EVI5L: variants seen among roughly 807,000 people sequenced by gnomAD.
The protein encoded by EVI5L is EVI5-like protein.
In EVI5L, 30 loss-of-function variants were observed where a neutral mutation model predicts 106.1. The observed-to-expected ratio is 0.28, with a 90% CI of 0.21 to 0.38. The LOEUF (loss-of-function observed/expected upper bound fraction) is 0.38, where lower values mean the gene tolerates loss of function less well. EVI5L is among the 10% of genes least tolerant of loss of function. The probability of loss-of-function intolerance (pLI) is 1.00; values close to 1 mark genes in which losing one functional copy is unlikely to be tolerated. For missense variants in EVI5L, 809 were observed against 1,098.0 expected (o/e 0.74, Z 3.72); for synonymous variants, 489 against 483.3 (o/e 1.01, Z -0.15).
chr19:7,843,038 G>T (rs1382759121), intron 1 of EVI5L, among the ~76,000 whole-genome samples: 1 of 151,202 alleles, frequency 6.6e-6, no homozygotes, highest in Non-Finnish European at 1.5e-5. Flanking sequence ...GTGTGTGAGA[G>T]AATAGGCATG....
In EVI5L at chr19:7,850,918, A is replaced by G. The variant is rs1276514909; in HGVS notation, c.754-516A>G. 1.3e-5 allele frequency among the ~76,000 whole-genome samples: 2 copies of G among 152,150 alleles called. No homozygotes were observed. Among genetic ancestry groups the G allele is most frequent in the Non-Finnish European group, 2.9e-5 (2 of 68,022 alleles). On this transcript the variant is annotated intron_variant, in intron 6 of 19. Coordinates refer to ENST00000538904, the MANE Select transcript of EVI5L (RefSeq NM_001159944.3). This position sits in a 1 kb window ranked among gnomAD's most constrained non-coding sequence, Gnocchi z 5.4. The stretch of plus-strand genomic sequence containing the variant: ...GCCTCAGTTTCCCCAGCCGTCTGCC[A>G]CTTTCTGGCTGTCTAGAGTTCAGGC...
intron 13 of EVI5L, among the ~76,000 whole-genome samples, chr19:7,860,305 G>T (rs1268782536): frequency 1.3e-5 from 2 of 152,062 alleles, no homozygotes; most frequent in Non-Finnish European, 2.9e-5. Flanking sequence ...CGGGGCATCC[G>T]AAGGCCAAGG....
In EVI5L at chr19:7,863,411, T is replaced by C; in HGVS notation, c.2140-13T>C. The C allele has an allele frequency of 6.5e-7, 1 of 1,531,696 alleles. No individual in the cohort carries two copies. The allele number at this position is 1,531,696 out of a possible 1,614,324, so 94.9% of individuals were successfully genotyped here. ...GGCCGGTCCACGCCTGCAGCGCCGG[T>C]CCCCCGCCCCAGGTGCGGCTGCTGA... On this transcript the variant is annotated splice_polypyrimidine_tract_variant and intron_variant, in intron 19 of 19. Coordinates refer to ENST00000538904, the MANE Select transcript of EVI5L (RefSeq NM_001159944.3). The surrounding 1 kb of genome is among the most constrained non-coding windows in gnomAD (Gnocchi z 7.7).
chr19:7,830,703 T>C (rs1599555730), intron 1 of EVI5L, among the ~76,000 whole-genome samples: 1 of 96,642 alleles, frequency 1.0e-5, no homozygotes, highest in Non-Finnish European at 2.1e-5. Context: ...GGGAACCCCC[T>C]CAGGGCTCCC....
rs780366498 is a variant in EVI5L at position 7,850,027 on chromosome 19, G to A, written c.658G>A (p.Val220Met). 18 of 1,602,350 alleles carry A rather than the reference G, an allele frequency of 1.1e-5. No homozygotes were observed. The highest frequency in any genetic ancestry group is 3.4e-5 in the Admixed American group (2 of 58,222). ...MPEEEAFCVF[V>M]RLMQEYRLRE... ...TGAGGAGGAGGCCTTCTGTGTGTTC[G>A]TGCGGCTGATGCAGGAGTACCGGCT... is the stretch of plus-strand genomic sequence containing the variant. Residue 220 changes from valine (V) to methionine (M), a missense_variant, in exon 6 of 20, where the codon GTG (valine) becomes ATG (methionine). By Grantham distance (21) the Val-to-Met change is conservative. Around this residue, in one of 2 missense-constraint regions of EVI5L, gnomAD observed 357 missense variants for 588.1 expected, o/e 0.61. Transcript: ENST00000538904. The surrounding 1 kb of genome is among the most constrained non-coding windows in gnomAD (Gnocchi z 5.4).
chr19:7,843,246 G>T (rs1978747908), intron 1 of EVI5L, among the ~76,000 whole-genome samples: 1 of 149,952 alleles, frequency 6.7e-6, no homozygotes, highest in Non-Finnish European at 1.5e-5. Context: ...GTGTGTGCAT[G>T]TGTGTATAGG....
rs1183279402 is a variant in EVI5L at position 7,859,425 on chromosome 19, A to G, written c.1374+1094A>G. Among the ~76,000 whole-genome samples, 2 of 152,226 alleles carry G rather than the reference A, an allele frequency of 1.3e-5. 1 individual carries two copies. The highest frequency in any genetic ancestry group is 4.8e-5 in the African/African-American group (2 of 41,470). ...AGTGCTTGAGAAAGAAGAGCCATCCAATACAGAGGTGCCCCCTCCGCCCCC... is the reference window on the plus strand; with the variant it reads ...AGTGCTTGAGAAAGAAGAGCCATCCGATACAGAGGTGCCCCCTCCGCCCCC... On this transcript the variant is annotated intron_variant, in intron 13 of 19. Coordinates refer to ENST00000538904, the MANE Select transcript of EVI5L (RefSeq NM_001159944.3).
At position 7,863,783 on chromosome 19, in the gene EVI5L, C is replaced by T; in HGVS notation, c.*81C>T. 2 of 1,409,850 alleles carry T rather than the reference C, an allele frequency of 1.4e-6. No individual in the cohort carries two copies. Among genetic ancestry groups the T allele is most frequent in the Non-Finnish European group, 1.8e-6 (2 of 1,086,004 alleles). 87.3% of individuals were successfully genotyped at this position (1,409,850 alleles called of 1,614,324 possible). ...CAGTCCGCGTTCTGCTCCCCACCTG[C>T]CGCACTTGACAAACTACGCGCCCTC... On this transcript the variant is annotated 3_prime_UTR_variant, in exon 20 of 20. Transcript: ENST00000538904. The surrounding 1 kb of genome is among the most constrained non-coding windows in gnomAD (Gnocchi z 7.7).
chr19:7,831,223 CCAAACACACACA>C (rs1303675388), intron 1 of EVI5L, among the ~76,000 whole-genome samples: 90 of 87,358 alleles, frequency 1.0e-3, no homozygotes, highest in Non-Finnish European at 1.2e-3. Flanking sequence ...TCTGAAAACC[CCAAACACACACA>C]CACACACACA....
At chr19:7,841,241 G>T (rs1033622496) in intron 1 of EVI5L, among the ~76,000 whole-genome samples, 1 of 152,060 alleles carries the variant, frequency 6.6e-6, no homozygotes, top group East Asian at 1.9e-4. Flanking sequence ...TGAGAGAAAC[G>T]AAAAGCTGGT....
intron 13 of EVI5L, among the ~76,000 whole-genome samples, chr19:7,860,282 C>T (rs1029753199): frequency 3.9e-5 from 6 of 152,202 alleles, no homozygotes; most frequent in African/African-American, 1.4e-4. Flanking sequence ...GAAAACCAGT[C>T]ACTGGGGTCC....
chr19:7,858,555 G>A lies in EVI5L; in HGVS notation c.1374+224G>A. ...TTTCTTGCCACCTCATAGTGTGTCT[G>A]CAGTATCTGACTTCCCAACCCCCAG... is the stretch of plus-strand genomic sequence containing the variant. On this transcript the variant is annotated intron_variant, in intron 13 of 19. Coordinates refer to ENST00000538904, the MANE Select transcript of EVI5L (RefSeq NM_001159944.3). The surrounding 1 kb of genome is among the most constrained non-coding windows in gnomAD (Gnocchi z 5.7). 1.6e-6 allele frequency: 1 copy of A among 617,352 alleles called. No homozygotes were observed. Among genetic ancestry groups the A allele is most frequent in the Non-Finnish European group, 2.7e-6 (1 of 365,134 alleles). 38.2% of individuals were successfully genotyped at this position (617,352 alleles called of 1,614,324 possible).
intron 1 of EVI5L, among the ~76,000 whole-genome samples, chr19:7,837,345 T>C (rs1416103159): frequency 6.6e-6 from 1 of 152,008 alleles, no homozygotes; most frequent in African/African-American, 2.4e-5. Flanking sequence ...AAATAAAAAA[T>C]AAATAAAATA....
In EVI5L at chr19:7,858,099, T is replaced by G. The variant is rs1979619654; in HGVS notation, c.1234-92T>G. ...CCACCTCACTTCCCCCCACCTCCAC[T>G]CTCTGGGCCTCCCCCTGTGGCGGGA... On this transcript the variant is annotated intron_variant, in intron 12 of 19. Coordinates refer to ENST00000538904, the MANE Select transcript of EVI5L (RefSeq NM_001159944.3). The surrounding 1 kb of genome is among the most constrained non-coding windows in gnomAD (Gnocchi z 5.7). 3 of 1,467,858 alleles carry G rather than the reference T, an allele frequency of 2.0e-6. No homozygotes were observed. The highest frequency in any genetic ancestry group is 2.7e-6 in the Non-Finnish European group (3 of 1,096,114). 90.9% of individuals were successfully genotyped at this position (1,467,858 alleles called of 1,614,324 possible). A position where few individuals can be genotyped will look rare whatever the true frequency, so the allele number is the denominator to read the frequency against.
chr19:7,840,056 G>A (rs1189493620), intron 1 of EVI5L, among the ~76,000 whole-genome samples: 2 of 152,330 alleles, frequency 1.3e-5, no homozygotes, highest in Non-Finnish European at 2.9e-5. Context: ...GAGTGGGTGG[G>A]TGGAGGTGGC....
At chr19:7,831,827 G>T (rs934784764) in intron 1 of EVI5L, among the ~76,000 whole-genome samples, 1 of 152,236 alleles carries the variant, frequency 6.6e-6, no homozygotes, top group African/African-American at 2.4e-5. Context: ...TTGCTCCTCA[G>T]AGCTGGCCCC....
chr19:7,857,937 A>C lies in EVI5L; in HGVS notation c.1234-254A>C. The C allele has an allele frequency of 1.7e-5, 8 of 473,142 alleles. No individual in the cohort carries two copies. Among genetic ancestry groups the C allele is most frequent in the Non-Finnish European group, 2.3e-5 (6 of 262,030 alleles). 29.3% of individuals were successfully genotyped at this position (473,142 alleles called of 1,614,324 possible). A position where few individuals can be genotyped will look rare whatever the true frequency, so the allele number is the denominator to read the frequency against. On this transcript the variant is annotated intron_variant, in intron 12 of 19. Transcript: ENST00000538904. This position sits in a 1 kb window ranked among gnomAD's most constrained non-coding sequence, Gnocchi z 4.5. ...CAGAGACTGAGAGCCAGAGTGGGGA[A>C]GGAGATGGAGCTTTCCAAGCCCAGG...
rs995931540 is a variant in EVI5L, at chr19:7,835,018, T to A, written c.-48+4637T>A. Reference sequence around the variant, plus strand: ...TGGACATAGTGGCAAGTGTCTGTAGTCCCAGCTACTTGGGAGGCTGAGGCA... The same window carrying A: ...TGGACATAGTGGCAAGTGTCTGTAGACCCAGCTACTTGGGAGGCTGAGGCA... On this transcript the variant is annotated intron_variant, in intron 1 of 19. Transcript: ENST00000538904. This position sits in a 1 kb window ranked among gnomAD's most constrained non-coding sequence, Gnocchi z 4.1. Among the ~76,000 whole-genome samples, 3 of 152,084 alleles carry A rather than the reference T, an allele frequency of 2.0e-5. No individual in the cohort carries two copies. Among genetic ancestry groups the A allele is most frequent in the Non-Finnish European group, 4.4e-5 (3 of 68,024 alleles).
chr19:7,847,930 C>T lies in EVI5L; in HGVS notation c.327+9C>T, dbSNP rs2307003. The T allele has an allele frequency of 0.39, 591,782 of 1,534,180 alleles. 120,459 individuals carry two copies. Among genetic ancestry groups the T allele is most frequent in the South Asian group, 0.65 (54,263 of 83,550 alleles). On this transcript the variant is annotated intron_variant, in intron 3 of 19. Transcript: ENST00000538904. The stretch of plus-strand genomic sequence containing the variant: ...AGGAGAAGCTGCTCAAGGTGGGGGG[C>T]GGCCAGGCAGGCAGGGCTGGGCCGA...
Sources: gnomAD v4.1 joint callset for allele counts (sites outside exome capture counted in the v4.1 genomes callset) on GRCh38, gnomAD v4.1.1 for gene constraint, gnomAD v4.1.1 regional missense constraint, Gnocchi (gnomAD v3.1) non-coding constraint, MANE v1.5 for transcripts, NCBI Gene and HGNC (gene_info 2026-07-23, HGNC 2026-07-21) for gene names.